The following MGMT variants were observed in gnomAD, a reference collection of about 807,000 sequenced individuals.
MGMT encodes O-6-methylguanine-DNA methyltransferase, also known as methylated-DNA--protein-cysteine methyltransferase.
In MGMT, 14 loss-of-function variants were observed where a neutral mutation model predicts 15.9. The ratio of observed to expected loss-of-function variants is 0.88; its 90% CI spans 0.58 to 1.37. The LOEUF (loss-of-function observed/expected upper bound fraction) is 1.37. Ranked by LOEUF, MGMT falls within the 40% of genes most tolerant of loss-of-function variation. MGMT has a pLI of 0.00. For synonymous variants in MGMT, 130 were observed against 118.2 expected (o/e 1.10, Z -0.65); for missense variants, 282 against 268.1 (o/e 1.05, Z -0.36).
intron 3 of MGMT, among the ~76,000 whole-genome samples, chr10:129,723,787 C>T (rs980092499): frequency 3.3e-5 from 5 of 152,134 alleles, no homozygotes; most frequent in East Asian, 1.9e-4. Flanking sequence ...AGAAAGTGCT[C>T]GGCATCATCA....
intron 2 of MGMT, among the ~76,000 whole-genome samples, chr10:129,680,374 C>T (rs574746316): frequency 2.8e-4 from 42 of 152,284 alleles, no homozygotes; most frequent in East Asian, 1.5e-3. Context: ...CCCTTTCCAG[C>T]GCTGCAGTGG....
chr10:129,573,205 T>G (rs1212167479), intron 2 of MGMT, among the ~76,000 whole-genome samples: 1 of 152,210 alleles, frequency 6.6e-6, no homozygotes, highest in Non-Finnish European at 1.5e-5. Context: ...ACTTTTTGCA[T>G]ATTAAAGAAA....
At chr10:129,565,115 CGGCGGGGCCGGGGTGT>C (rs1436608604) in intron 2 of MGMT, among the ~76,000 whole-genome samples, 1 of 152,210 alleles carries the variant, frequency 6.6e-6, no homozygotes, top group Admixed American at 6.5e-5. Flanking sequence ...GTAGCCTGCC[CGGCGGGGCCGGGGTGT>C]GGCAGGACCG....
At chr10:129,704,610 T>A (rs962603538) in intron 2 of MGMT, among the ~76,000 whole-genome samples, 7 of 152,084 alleles carry the variant, frequency 4.6e-5, no homozygotes, top group African/African-American at 1.7e-4. Context: ...TGGTCACAGT[T>A]ATCCGTGGCT....
chr10:129,635,320 A>G (rs1847252937), intron 2 of MGMT, among the ~76,000 whole-genome samples: 1 of 151,924 alleles, frequency 6.6e-6, no homozygotes, highest in African/African-American at 2.4e-5. Flanking sequence ...TGTCCTGCAA[A>G]CTCTGCCTGT....
chr10:129,607,793 GAT>G (rs769448153), intron 2 of MGMT, among the ~76,000 whole-genome samples: 2 of 152,208 alleles, frequency 1.3e-5, no homozygotes, highest in Non-Finnish European at 2.9e-5. Flanking sequence ...AAATATATCT[GAT>G]GTTGCAATAC....
At chr10:129,583,906 G>A (rs1347985922) in intron 2 of MGMT, among the ~76,000 whole-genome samples, 2 of 152,114 alleles carry the variant, frequency 1.3e-5, no homozygotes, top group Non-Finnish European at 2.9e-5. Context: ...TCTATGTGTG[G>A]GTGCCTTGGT....
At chr10:129,634,138 T>A (rs943717507) in intron 2 of MGMT, among the ~76,000 whole-genome samples, 3 of 152,190 alleles carry the variant, frequency 2.0e-5, no homozygotes, top group Admixed American at 6.5e-5. Flanking sequence ...ATTGACAGGG[T>A]TTTTTTCCTC....
At chr10:129,551,573 T>C (rs1846157008) in intron 2 of MGMT, among the ~76,000 whole-genome samples, 1 of 152,170 alleles carries the variant, frequency 6.6e-6, no homozygotes, top group South Asian at 2.1e-4. Context: ...GGTTGCTCTT[T>C]ATTTTTTGAT....
chr10:129,551,736 C>T (rs759781259), intron 2 of MGMT, among the ~76,000 whole-genome samples: 3 of 152,186 alleles, frequency 2.0e-5, no homozygotes, highest in Non-Finnish European at 2.9e-5. Flanking sequence ...GTGCAGTGAT[C>T]AAAACCAAAA....
intron 4 of MGMT, among the ~76,000 whole-genome samples, chr10:129,763,469 G>A (rs529872514): frequency 7.3e-4 from 111 of 152,250 alleles, no homozygotes; most frequent in African/African-American, 2.5e-3. Context: ...CACAGCTGTC[G>A]GGGTCATTGT....
Position 129,604,790 on chromosome 10 carries a change from C to T in MGMT, c.125+68413C>T, listed in dbSNP as rs535520911. Among the ~76,000 whole-genome samples, 122 of 139,816 alleles carry T rather than the reference C, an allele frequency of 8.7e-4. No individual in the cohort carries two copies. In the Middle Eastern group the frequency reaches 0.018, roughly 20 times the overall value. 91.7% of individuals were successfully genotyped at this position (139,816 alleles called of 152,430 possible). ...ACCTCAAGGCCTTTTATCATTTTCA[C>T]AATGATGTCTCCAACAGACCTTTAC... is the stretch of plus-strand genomic sequence containing the variant. On this transcript the variant is annotated intron_variant, in intron 2 of 4. Transcript: ENST00000651593.
chr10:129,493,307 G>A (rs1377693314), intron 1 of MGMT, among the ~76,000 whole-genome samples: 1 of 152,104 alleles, frequency 6.6e-6, no homozygotes, highest in East Asian at 1.9e-4. Context: ...GGCCCCAGTG[G>A]AGCGTCTGGA....
Position 129,746,110 on chromosome 10 carries a change from G to A in MGMT, c.275-13092G>A, listed in dbSNP as rs190191303. Among the ~76,000 whole-genome samples, 1,383 of 151,898 alleles carry A rather than the reference G, an allele frequency of 9.1e-3. 20 individuals carry two copies. The highest frequency in any genetic ancestry group is 0.032 in the African/African-American group (1,329 of 41,410). ...AAAAATTAGCCAGGCGTGGTGGCAGGCGCCTGTAGTCCCAGCTACTCAGGA... is the reference window on the plus strand; with the variant it reads ...AAAAATTAGCCAGGCGTGGTGGCAGACGCCTGTAGTCCCAGCTACTCAGGA... On this transcript the variant is annotated intron_variant, in intron 3 of 4. Transcript: ENST00000651593.
chr10:129,743,885 G>A (rs2133174156), intron 3 of MGMT, among the ~76,000 whole-genome samples: 1 of 152,358 alleles, frequency 6.6e-6, no homozygotes, highest in East Asian at 1.9e-4. Flanking sequence ...AGTTGGGCTT[G>A]ACTCTGGAGC....
chr10:129,715,599 T>G (rs777017794), intron 3 of MGMT: 11 of 152,376 alleles, frequency 7.2e-5, no homozygotes, highest in Non-Finnish European at 1.3e-4. Context: ...CATTCATGTT[T>G]TACAGGTAAT....
At chr10:129,759,991 C>T (rs1848853702) in intron 4 of MGMT, among the ~76,000 whole-genome samples, 1 of 152,250 alleles carries the variant, frequency 6.6e-6, no homozygotes, top group African/African-American at 2.4e-5. Context: ...CCTTCCCATG[C>T]GTCTGCAGTC....
intron 3 of MGMT, among the ~76,000 whole-genome samples, chr10:129,715,846 C>T (rs1848288697): frequency 6.6e-6 from 1 of 152,180 alleles, no homozygotes. Context: ...CGGTTTTTGC[C>T]TGCAATCCTT....
chr10:129,566,811 AT>A lies in MGMT; in HGVS notation c.125+30439del, dbSNP rs1193962633. ...CACGGAGGAGCTGCGGAAAGTCCAC[AT>A]TTTTGAAGAGCTGCAGGCTGGGGAG... On this transcript the variant is annotated intron_variant, in intron 2 of 4. Transcript: ENST00000651593. This position sits in a 1 kb window ranked among gnomAD's most constrained non-coding sequence, Gnocchi z 4.1. Among the ~76,000 whole-genome samples the A allele has an allele frequency of 3.9e-5, 6 of 152,018 alleles. No individual in the cohort carries two copies. Among genetic ancestry groups the A allele is most frequent in the African/African-American group, 1.4e-4 (6 of 41,392 alleles).
Sources: allele counts gnomAD v4.1 joint callset (sites outside exome capture counted in the v4.1 genomes callset), GRCh38; gene constraint gnomAD v4.1.1; non-coding constraint Gnocchi (gnomAD v3.1); transcripts MANE v1.5; gene names NCBI Gene and HGNC (gene_info 2026-07-23, HGNC 2026-07-21).